The following MYO19 variants were observed in gnomAD, a reference collection of about 807,000 sequenced individuals.
MYO19 encodes the protein unconventional myosin-XIX.
In MYO19, 132 loss-of-function variants were observed where a neutral mutation model predicts 129.2. The observed-to-expected ratio is 1.02, with a 90% CI of 0.89 to 1.18. MYO19 has a LOEUF of 1.18. MYO19 is among the 50% of genes most tolerant of loss of function. The pLI, the probability that MYO19 is intolerant of heterozygous loss-of-function variation, is 0.00. For synonymous variants in MYO19, 531 were observed against 477.2 expected (o/e 1.11, Z -1.47); for missense variants, 1,210 against 1,216.7 (o/e 0.99, Z 0.08).
chr17:36,536,767 G>A (rs936082570), upstream of MYO19, among the ~76,000 whole-genome samples: 7 of 151,998 alleles, frequency 4.6e-5, no homozygotes, highest in Non-Finnish European at 7.4e-5. Flanking sequence ...CTCCCACCTC[G>A]GCCTCCCGAA....
intron 3 of MYO19, among the ~76,000 whole-genome samples, chr17:36,531,013 T>A (rs1422645948): frequency 6.6e-6 from 1 of 151,974 alleles, no homozygotes; most frequent in Non-Finnish European, 1.5e-5. Context: ...GGCAGACGGA[T>A]CACTTGAGGT....
chr17:36,506,694 G>A (rs779382997), intron 17 of MYO19, 86 bp from the exon 18 acceptor site: 302 of 1,440,376 alleles, frequency 2.1e-4, no homozygotes, highest in Non-Finnish European at 2.5e-4. Flanking sequence ...CGCAGATGAC[G>A]GGGCTTCCAG....
chr17:36,513,439 T>C lies in MYO19; in HGVS notation c.884A>G (p.Asn295Ser), dbSNP rs1352884555. 1 of 1,614,044 alleles carries C rather than the reference T, an allele frequency of 6.2e-7. No individual in the cohort carries two copies. The highest frequency in any genetic ancestry group is 1.1e-5 in the South Asian group (1 of 91,090). ...GGCTTTTCTTCTGACCTTAAAGATG[T>C]TGTTCTGGGTAGGGGTGTCAATGCC... ...HLGIDTPTQNNIFKVLAGLLH... is the reference protein window; with the variant it reads ...HLGIDTPTQNSIFKVLAGLLH... Residue 295 changes from asparagine to serine, a missense_variant, in exon 11 of 26, where the codon AAC becomes AGC. Transcript: ENST00000614623.
intron 23 of MYO19, chr17:36,500,621 T>G: frequency 1.6e-6 from 1 of 640,702 alleles, no homozygotes; most frequent in Non-Finnish European, 2.6e-6. Context: ...ACAGAGCACC[T>G]TTGTTTGTGG....
Position 36,527,565 on chromosome 17 carries a change from C to T in MYO19, c.286G>A (p.Ala96Thr), listed in dbSNP as rs1386473649. 1 of 1,613,676 alleles carries T rather than the reference C, an allele frequency of 6.2e-7. No individual in the cohort carries two copies. The highest frequency in any genetic ancestry group is 1.7e-5 in the Admixed American group (1 of 59,950). ...CAGAGCCTTACCTGGGGCTGAGGCG[C>T]AGCATGGTACTCTCTCATTAGCTCG... Reference protein sequence around the residue: ...SPELMREYHAAPQPQKLKPHV... With the variant: ...SPELMREYHATPQPQKLKPHV... Residue 96 changes from alanine to threonine, a missense_variant, in exon 5 of 26, where the codon GCG (alanine) becomes ACG (threonine). Physicochemically the swap from Ala to Thr is moderately conservative, Grantham distance 58. Coordinates refer to ENST00000614623, the MANE Select transcript of MYO19 (RefSeq NM_001163735.2).
intron 11 of MYO19, among the ~76,000 whole-genome samples, chr17:36,512,389 C>CAAAA (rs551345278): frequency 2.6e-5 from 2 of 77,920 alleles, no homozygotes; most frequent in East Asian, 6.8e-4. Flanking sequence ...AACTCCATCT[C>CAAAA]AAAAAAAAAA....
intron 8 of MYO19, among the ~76,000 whole-genome samples, 183 bp downstream of exon 8, chr17:36,514,930 G>T (rs1162020441): frequency 6.6e-6 from 1 of 152,194 alleles, no homozygotes; most frequent in East Asian, 1.9e-4. Flanking sequence ...TCCCCAAGGG[G>T]AGAGGAGCTA....
upstream of MYO19, chr17:36,538,143 A>G (rs754301297): frequency 6.2e-7 from 1 of 1,614,150 alleles, no homozygotes; most frequent in Non-Finnish European, 8.5e-7. Context: ...ACTGGCAGCT[A>G]TTAGCCTCTT....
intron 16 of MYO19, 61 bp from the exon 17 acceptor site, chr17:36,507,200 T>C: frequency 1.9e-6 from 3 of 1,566,864 alleles, no homozygotes; most frequent in Non-Finnish European, 1.7e-6. Context: ...CAACCCTCAC[T>C]GTCCCCACCC....
In MYO19 at chr17:36,532,575, A is replaced by T. The variant is rs746121403; in HGVS notation, c.-37T>A. The T allele has an allele frequency of 8.4e-6, 13 of 1,552,406 alleles. No individual in the cohort carries two copies. The highest frequency in any genetic ancestry group is 1.0e-5 in the Non-Finnish European group (12 of 1,147,468). ...GTGGTCAGCCAGGGTTCTGGGTTGC[A>T]GGAGGTACAAGGAGTACTATCCACC... On this transcript the variant is annotated 5_prime_UTR_variant, in exon 3 of 26. Coordinates refer to ENST00000614623, the MANE Select transcript of MYO19 (RefSeq NM_001163735.2).
rs2073399701 is a variant in MYO19, at chr17:36,525,359, GAAAGGTC to G, written c.301-25_301-19del. Reference sequence around the variant, plus strand: ...TTCAGTTTCTGGAACATCAAGGAGTGAAAGGTCATGTGAGGGAATGCCTGTTTTTCAA... The same window carrying G: ...TTCAGTTTCTGGAACATCAAGGAGTGATGTGAGGGAATGCCTGTTTTTCAA... On this transcript the variant is annotated intron_variant, in intron 5 of 25. Coordinates refer to ENST00000614623, the MANE Select transcript of MYO19 (RefSeq NM_001163735.2). 6.4e-7 allele frequency: 1 copy of G among 1,558,636 alleles called. No homozygotes were observed. Among genetic ancestry groups the G allele is most frequent in the South Asian group, 1.1e-5 (1 of 89,612 alleles).
intron 3 of MYO19, among the ~76,000 whole-genome samples, chr17:36,531,606 A>T (rs1470483341): frequency 6.6e-6 from 1 of 152,004 alleles, no homozygotes; most frequent in Non-Finnish European, 1.5e-5. Flanking sequence ...AAGAGAAAAA[A>T]AAAGTTTAAA....
intron 13 of MYO19, chr17:36,510,054 G>A (rs1314925580): frequency 6.6e-6 from 1 of 152,256 alleles, no homozygotes; most frequent in Admixed American, 6.5e-5. Flanking sequence ...GTTTATGAAA[G>A]CAGGGGACCC....
chr17:36,522,381 G>A (rs903074704), intron 6 of MYO19, among the ~76,000 whole-genome samples: 88 of 151,724 alleles, frequency 5.8e-4, no homozygotes, highest in Middle Eastern at 6.8e-3. Context: ...GGTGGCAGGC[G>A]CCTGTAATCC....
intron 5 of MYO19, among the ~76,000 whole-genome samples, chr17:36,527,271 C>T (rs539260838): frequency 6.6e-5 from 10 of 151,450 alleles, no homozygotes; most frequent in Middle Eastern, 3.4e-3. Flanking sequence ...TTAATAAAAC[C>T]GCAAACAAGA....
At position 36,529,760 on chromosome 17, in the gene MYO19, T is replaced by C. The variant is rs139585130; in HGVS notation, c.13-1558A>G. Among the ~76,000 whole-genome samples, 29 of 152,228 alleles carry C rather than the reference T, an allele frequency of 1.9e-4. 1 individual carries two copies. In the East Asian group the frequency reaches 5.6e-3, roughly 29 times the overall value. ...CATTCACAAACACAGACACAATTTA[T>C]GAAGAGTTCTGATCCAACCAGAGAG... is the stretch of plus-strand genomic sequence containing the variant. On this transcript the variant is annotated intron_variant, in intron 3 of 25. Transcript: ENST00000614623.
At chr17:36,506,746 C>A in intron 17 of MYO19, 138 bp from the exon 18 acceptor site, 2 of 1,172,718 alleles carry the variant, frequency 1.7e-6, no homozygotes. Flanking sequence ...CATTGGACAA[C>A]CAGAGACCTG....
At position 36,527,682 on chromosome 17, in the gene MYO19, C is replaced by A; in HGVS notation, c.169G>T (p.Ala57Ser). The change falls in exon 5 of 26, where the codon GCC becomes TCC. Residue 57 changes from alanine (A) to serine (S), a missense_variant. Transcript: ENST00000614623. ...TLETVLRCLQ[A>S]RYMADTFYTN... ...TAGAATGTGTCTGCCATGTACCGGGCCTGCAGGCACCTCAGGACTGAGGCA... is the reference window on the plus strand; with the variant it reads ...TAGAATGTGTCTGCCATGTACCGGGACTGCAGGCACCTCAGGACTGAGGCA... 6.2e-7 allele frequency: 1 copy of A among 1,612,924 alleles called. No individual in the cohort carries two copies.
At chr17:36,504,243 C>A (rs918065222) in intron 19 of MYO19, 7 of 501,354 alleles carry the variant, frequency 1.4e-5, no homozygotes, top group Middle Eastern at 5.1e-4. Context: ...TCCCCCTCAT[C>A]CGACGCATGG....
Sources: allele counts gnomAD v4.1 joint callset (sites outside exome capture counted in the v4.1 genomes callset), GRCh38; gene constraint gnomAD v4.1.1; transcripts MANE v1.5; gene names NCBI Gene and HGNC (gene_info 2026-07-23, HGNC 2026-07-21).